GRM8: variants seen among roughly 807,000 people sequenced by gnomAD.
GRM8 encodes the protein metabotropic glutamate receptor 8.
GRM8 carries 47 observed loss-of-function variants against 87.2 expected under a neutral mutation model. That is an observed-to-expected ratio of 0.54 (90% CI 0.43 to 0.69). The LOEUF (loss-of-function observed/expected upper bound fraction) is 0.69, where lower values mean the gene tolerates loss of function less well. Among genes scored for constraint, GRM8 ranks in the 30% least tolerant of loss-of-function variants. GRM8 has a pLI of 0.00. For missense variants in GRM8, 1,019 were observed against 1,139.2 expected, an observed-to-expected ratio of 0.89 and a Z score of 1.52; for synonymous variants, 396 against 404.5, an observed-to-expected ratio of 0.98 and a Z score of 0.25.
At chr7:126,494,316 C>T (rs1184261560) in intron 9 of GRM8, among the ~76,000 whole-genome samples, 1 of 132,440 alleles carries the variant, frequency 7.6e-6, no homozygotes, top group African/African-American at 2.5e-5. Flanking sequence ...ACACTACTTA[C>T]TATTATGTAA....
chr7:126,836,138 G>A (rs1439069854), intron 6 of GRM8, among the ~76,000 whole-genome samples: 1 of 152,066 alleles, frequency 6.6e-6, no homozygotes, highest in African/African-American at 2.4e-5. Flanking sequence ...AGCTCACAGA[G>A]AATGAAATAC....
rs17866785 is a variant in GRM8, at chr7:127,209,210, A to C, written c.510+33485T>G. 3.4e-3 allele frequency among the ~76,000 whole-genome samples: 518 copies of C among 152,330 alleles called. 4 individuals are homozygous for C. Among genetic ancestry groups the C allele is most frequent in the African/African-American group, 0.012 (497 of 41,582 alleles). ...AGTTTGCACTCCGAAATTGCTAGGA[A>C]GTAAATCCATCTGGAAACTGCACTG... On this transcript the variant is annotated intron_variant, in intron 2 of 10. Coordinates refer to ENST00000339582, the MANE Select transcript of GRM8 (RefSeq NM_000845.3).
chr7:127,036,133 T>C (rs545622320), intron 3 of GRM8, among the ~76,000 whole-genome samples: 1 of 152,280 alleles, frequency 6.6e-6, no homozygotes, highest in East Asian at 1.9e-4. Flanking sequence ...GTCATAACTA[T>C]CAGTTGTCCA....
intron 7 of GRM8, among the ~76,000 whole-genome samples, chr7:126,679,839 G>A (rs1215940140): frequency 6.6e-6 from 1 of 152,064 alleles, no homozygotes; most frequent in African/African-American, 2.4e-5. Context: ...AGACCAGCCT[G>A]GCCAACATGG....
At chr7:126,783,604 A>C (rs916757877) in intron 6 of GRM8, among the ~76,000 whole-genome samples, 1 of 152,222 alleles carries the variant, frequency 6.6e-6, no homozygotes, top group Non-Finnish European at 1.5e-5. Context: ...GTATTTCCAA[A>C]ATAAAGAAAA....
At chr7:126,982,323 C>T (rs558555267) in intron 3 of GRM8, among the ~76,000 whole-genome samples, 4 of 152,328 alleles carry the variant, frequency 2.6e-5, no homozygotes, top group African/African-American at 9.6e-5. Context: ...CCTTTGGCAA[C>T]ACCCTCACAG....
intron 2 of GRM8, among the ~76,000 whole-genome samples, chr7:127,218,150 G>T (rs1352878497): frequency 6.6e-6 from 1 of 152,196 alleles, no homozygotes; most frequent in South Asian, 2.1e-4. Context: ...TCTGTTCCAG[G>T]ATAAAAACAA....
chr7:126,542,179 G>A (rs1816614363), intron 8 of GRM8, among the ~76,000 whole-genome samples: 1 of 152,142 alleles, frequency 6.6e-6, no homozygotes, highest in Non-Finnish European at 1.5e-5. Context: ...TGTTATTTAA[G>A]CCACCCAGTC....
chr7:126,606,251 G>A (rs1002120153), intron 8 of GRM8, among the ~76,000 whole-genome samples: 2 of 152,096 alleles, frequency 1.3e-5, no homozygotes, highest in Non-Finnish European at 2.9e-5. Flanking sequence ...CTCTTCTAAT[G>A]GGACCTTCGC....
In GRM8 at chr7:126,695,238, T is replaced by C. The variant is rs936901953; in HGVS notation, c.1357+74627A>G. Among the ~76,000 whole-genome samples, 3 of 152,300 alleles carry C rather than the reference T, an allele frequency of 2.0e-5. No individual in the cohort carries two copies. In the South Asian group the frequency reaches 6.2e-4, roughly 32 times the overall value. ...TTTAAAGGGAATTCTGTTATTATTA[T>C]GAAGAAAATGAGAAAAGAATAATAT... is the stretch of plus-strand genomic sequence containing the variant. On this transcript the variant is annotated intron_variant, in intron 7 of 10. Coordinates refer to ENST00000339582, the MANE Select transcript of GRM8 (RefSeq NM_000845.3).
chr7:127,109,177 G>C (rs908616727), intron 2 of GRM8, among the ~76,000 whole-genome samples: 1 of 152,040 alleles, frequency 6.6e-6, no homozygotes, highest in African/African-American at 2.4e-5. Context: ...TAACCTTGGA[G>C]GTTTCATCTA....
intron 7 of GRM8, among the ~76,000 whole-genome samples, chr7:126,635,932 T>G (rs1801807698): frequency 6.6e-6 from 1 of 152,158 alleles, no homozygotes; most frequent in South Asian, 2.1e-4. Flanking sequence ...AATTCACCAC[T>G]AAAACCACAA....
At chr7:126,931,110 C>T (rs190529125) in intron 3 of GRM8, among the ~76,000 whole-genome samples, 53 of 152,154 alleles carry the variant, frequency 3.5e-4, no homozygotes, top group African/African-American at 8.2e-4. Flanking sequence ...GGGAAAAATG[C>T]GTTAGTTAAA....
At chr7:127,001,519 C>T (rs893247766) in intron 3 of GRM8, among the ~76,000 whole-genome samples, 1 of 151,654 alleles carries the variant, frequency 6.6e-6, no homozygotes, top group Non-Finnish European at 1.5e-5. Flanking sequence ...AAAAAATGCA[C>T]ATTTAAACCA....
At chr7:127,105,793 AGTT>A (rs1238535687) in intron 3 of GRM8, among the ~76,000 whole-genome samples, 1 of 152,216 alleles carries the variant, frequency 6.6e-6, no homozygotes, top group Non-Finnish European at 1.5e-5. Flanking sequence ...TTGTGCTCTA[AGTT>A]GTTCCTTTGT....
At chr7:126,786,375 T>C (rs10246394) in intron 6 of GRM8, among the ~76,000 whole-genome samples, 14,012 of 152,208 alleles carry the variant, frequency 0.092, 2,081 homozygotes, top group African/African-American at 0.31. Flanking sequence ...AATAAAAGCC[T>C]TTAAAGGTAT....
chr7:126,762,209 A>T (rs1297140000), intron 7 of GRM8, among the ~76,000 whole-genome samples: 1 of 152,214 alleles, frequency 6.6e-6, no homozygotes, highest in Non-Finnish European at 1.5e-5. Context: ...CATAAACTAA[A>T]GAAAGACAAT....
intron 7 of GRM8, among the ~76,000 whole-genome samples, chr7:126,705,138 GA>G (rs1187619710): frequency 6.6e-6 from 1 of 152,118 alleles, no homozygotes; most frequent in Non-Finnish European, 1.5e-5. Flanking sequence ...AGGGAAAATA[GA>G]AAAGAACCTA....
At chr7:126,916,281 A>G (rs1803893495) in intron 3 of GRM8, among the ~76,000 whole-genome samples, 2 of 152,224 alleles carry the variant, frequency 1.3e-5, no homozygotes, top group African/African-American at 2.4e-5. Context: ...TAAACACCCC[A>G]GTGTATTTCT....
Sources: allele counts gnomAD v4.1 joint callset (sites outside exome capture counted in the v4.1 genomes callset), GRCh38; gene constraint gnomAD v4.1.1; transcripts MANE v1.5; gene names NCBI Gene and HGNC (gene_info 2026-07-23, HGNC 2026-07-21).